The following RYR2 variants were observed in gnomAD, a reference collection of about 807,000 sequenced individuals.
RYR2 encodes the protein ryanodine receptor 2, also known as cardiac muscle ryanodine receptor-calcium release channel.
Under a neutral mutation model 601.1 loss-of-function variants are expected in RYR2, and 227 were observed. The ratio of observed to expected loss-of-function variants is 0.38; its 90% CI spans 0.34 to 0.42. The LOEUF (loss-of-function observed/expected upper bound fraction) is 0.42. Ranked by LOEUF, RYR2 falls within the 10% of genes least tolerant of loss-of-function variation. The pLI, the probability that RYR2 is intolerant of heterozygous loss-of-function variation, is 1.00. For missense variants in RYR2, 4,646 were observed against 6,156.5 expected, an observed-to-expected ratio of 0.75 and a Z score of 8.21; for synonymous variants, 2,223 against 2,175.1, an observed-to-expected ratio of 1.02 and a Z score of -0.61.
At chr1:237,161,487 T>C (rs1264436895) in intron 1 of RYR2, among the ~76,000 whole-genome samples, 2 of 150,250 alleles carry the variant, frequency 1.3e-5, no homozygotes, top group Non-Finnish European at 2.9e-5. Flanking sequence ...AATAAAAAAT[T>C]GTCTCTAAGA....
intron 36 of RYR2, among the ~76,000 whole-genome samples, chr1:237,613,007 G>A (rs1678057688): frequency 6.6e-6 from 1 of 152,166 alleles, no homozygotes; most frequent in South Asian, 2.1e-4. Context: ...GTGACACACA[G>A]TCATTTATAC....
chr1:237,201,830 A>G (rs1681225312), intron 1 of RYR2, among the ~76,000 whole-genome samples: 1 of 152,106 alleles, frequency 6.6e-6, no homozygotes, highest in Non-Finnish European at 1.5e-5. Context: ...TCTGTTGGAG[A>G]TGGACTGGAA....
intron 80 of RYR2, among the ~76,000 whole-genome samples, chr1:237,751,396 T>C (rs1300602528): frequency 6.6e-6 from 1 of 152,250 alleles, no homozygotes; most frequent in East Asian, 1.9e-4. Context: ...TTTTAGAGTT[T>C]CTCATTCTTT....
chr1:237,459,315 T>C (rs1278661012), intron 16 of RYR2, among the ~76,000 whole-genome samples: 1 of 152,140 alleles, frequency 6.6e-6, no homozygotes, highest in Non-Finnish European at 1.5e-5. Context: ...CTGGATGCAT[T>C]GGCTCATGTG....
chr1:237,264,516 C>G (rs1203753017), intron 1 of RYR2, among the ~76,000 whole-genome samples: 1 of 152,046 alleles, frequency 6.6e-6, no homozygotes, highest in Non-Finnish European at 1.5e-5. Context: ...GTGGGCAATT[C>G]AATGAAAGGG....
chr1:237,818,968 C>G lies in RYR2; in HGVS notation c.14434-68C>G. 5 of 1,419,990 alleles carry G rather than the reference C, an allele frequency of 3.5e-6. 1 individual carries two copies. The East Asian group carries it at 6.9e-5, about 20-fold the overall frequency. 88.0% of individuals were successfully genotyped at this position (1,419,990 alleles called of 1,614,324 possible). A position where few individuals can be genotyped will look rare whatever the true frequency, so the allele number is the denominator to read the frequency against. On this transcript the variant is annotated intron_variant, in intron 100 of 104. Coordinates refer to ENST00000366574, the MANE Select transcript of RYR2 (RefSeq NM_001035.3). ...TGAGGATTAGGAACTACAGAGATAA[C>G]TCGGGTTTGTCGAGAAAAAAAAATG...
chr1:237,266,976 G>A (rs1170588730), intron 1 of RYR2, among the ~76,000 whole-genome samples: 1 of 152,180 alleles, frequency 6.6e-6, no homozygotes, highest in Non-Finnish European at 1.5e-5. Context: ...ATCATACAAT[G>A]TTAAGGGACT....
At chr1:237,658,848 A>AT (rs766551574) in intron 54 of RYR2, among the ~76,000 whole-genome samples, 6 of 152,182 alleles carry the variant, frequency 3.9e-5, no homozygotes, top group Non-Finnish European at 8.8e-5. Context: ...CGGCCAGGTG[A>AT]TTTTTTTGTG....
intron 29 of RYR2, among the ~76,000 whole-genome samples, chr1:237,572,320 TA>T (rs1330152428): frequency 1.8e-4 from 28 of 152,058 alleles, no homozygotes. Flanking sequence ...CTTTGGATGT[TA>T]AAAAAAATTT....
intron 1 of RYR2, among the ~76,000 whole-genome samples, chr1:237,251,075 T>C (rs888439): frequency 0.15 from 22,752 of 151,400 alleles, 1,936 homozygotes; most frequent in Middle Eastern, 0.31. Flanking sequence ...TGCATATAGA[T>C]ACATTGTCTC....
intron 46 of RYR2, among the ~76,000 whole-genome samples, chr1:237,639,724 C>T (rs568536463): frequency 6.6e-6 from 1 of 152,138 alleles, no homozygotes; most frequent in East Asian, 1.9e-4. Context: ...TGTAGGTATA[C>T]GTTGTTAATA....
chr1:237,737,352 C>T (rs949993086), intron 79 of RYR2, among the ~76,000 whole-genome samples: 13 of 152,158 alleles, frequency 8.5e-5, no homozygotes, highest in African/African-American at 2.9e-4. Flanking sequence ...TTGTTACACT[C>T]GGCACATTCT....
At chr1:237,240,719 G>A (rs2149232004) in intron 1 of RYR2, among the ~76,000 whole-genome samples, 2 of 142,562 alleles carry the variant, frequency 1.4e-5, no homozygotes, top group East Asian at 4.2e-4. Flanking sequence ...TGTAGAGGAT[G>A]CTCACATTGT....
intron 96 of RYR2, among the ~76,000 whole-genome samples, chr1:237,796,321 A>G (rs1475542626): frequency 6.6e-6 from 1 of 152,160 alleles, no homozygotes; most frequent in African/African-American, 2.4e-5. Context: ...TAGTCAAATA[A>G]ATAGGTAAAC....
chr1:237,496,699 G>T lies in RYR2; in HGVS notation c.2150G>T (p.Gly717Val). The part of the protein sequence containing the change: ...PGGGEEWGGN[G>V]VGDDLFSYGF... ...GGGGGCGAAGAGTGGGGTGGAAATGGTGTTGGAGATGATCTCTTCTCCTAT... is the reference window on the plus strand; with the variant it reads ...GGGGGCGAAGAGTGGGGTGGAAATGTTGTTGGAGATGATCTCTTCTCCTAT... The change falls in exon 20 of 105, where the codon GGT becomes GTT. Residue 717 changes from glycine to valine, a missense_variant. Gly to Val is a moderately radical substitution (Grantham distance 109). This residue lies in a region of RYR2 where 1,807 missense variants were observed against 2,088.1 expected (regional missense o/e 0.87). Coordinates refer to ENST00000366574, the MANE Select transcript of RYR2 (RefSeq NM_001035.3). 6.2e-7 allele frequency: 1 copy of T among 1,613,938 alleles called. No homozygotes were observed. The highest frequency in any genetic ancestry group is 8.5e-7 in the Non-Finnish European group (1 of 1,179,882).
At chr1:237,710,694 G>T (rs944467754) in intron 70 of RYR2, among the ~76,000 whole-genome samples, 5 of 148,164 alleles carry the variant, frequency 3.4e-5, no homozygotes, top group African/African-American at 1.3e-4. Flanking sequence ...AAATAGATTA[G>T]GTATGTAGAT....
intron 24 of RYR2, among the ~76,000 whole-genome samples, chr1:237,525,270 C>T (rs541340317): frequency 5.3e-5 from 8 of 152,184 alleles, no homozygotes; most frequent in Admixed American, 4.6e-4. Context: ...CAACTTTATC[C>T]ATGTTGCTGC....
At chr1:237,615,718 C>G (rs1678393029) in intron 37 of RYR2, among the ~76,000 whole-genome samples, 1 of 152,186 alleles carries the variant, frequency 6.6e-6, no homozygotes, top group South Asian at 2.1e-4. Flanking sequence ...CAGAATCTCA[C>G]AGCCTCTAAG....
At chr1:237,358,934 C>T (rs901692383) in intron 4 of RYR2, among the ~76,000 whole-genome samples, 3 of 152,088 alleles carry the variant, frequency 2.0e-5, no homozygotes, top group Admixed American at 2.0e-4. Context: ...TAATAATACA[C>T]TGGGGGTGGG....
Sources: gnomAD v4.1 joint callset for allele counts (sites outside exome capture counted in the v4.1 genomes callset) on GRCh38, gnomAD v4.1.1 for gene constraint, gnomAD v4.1.1 regional missense constraint, MANE v1.5 for transcripts, NCBI Gene and HGNC (gene_info 2026-07-23, HGNC 2026-07-21) for gene names.